The following WNT3A variants were observed in gnomAD, a reference collection of about 807,000 sequenced individuals.
WNT3A encodes the protein protein Wnt-3a.
WNT3A carries 17 observed loss-of-function variants against 37.0 expected under a neutral mutation model. That is an observed-to-expected ratio of 0.46 (90% CI 0.31 to 0.69). The LOEUF (loss-of-function observed/expected upper bound fraction) is 0.69, where lower values mean the gene tolerates loss of function less well. Among genes scored for constraint, WNT3A ranks in the 30% least tolerant of loss-of-function variants. The probability of loss-of-function intolerance (pLI) is 0.05; values close to 1 mark genes in which losing one functional copy is unlikely to be tolerated. For missense variants in WNT3A, 411 were observed against 510.2 expected (o/e 0.81, Z 1.87); for synonymous variants, 187 against 211.0 (o/e 0.89, Z 0.99).
chr1:228,037,462 C>T lies in WNT3A; in HGVS notation c.314-13194C>T, dbSNP rs915702209. On this transcript the variant is annotated intron_variant, in intron 2 of 3. Transcript: ENST00000284523. The surrounding 1 kb of genome is among the most constrained non-coding windows in gnomAD (Gnocchi z 4.1). ...GGCAGGAGACAGCCCAGCCTCCTCT[C>T]CTCCCCGCTGAGCCCCCAGGAGCCC... is the stretch of plus-strand genomic sequence containing the variant. Among the ~76,000 whole-genome samples, 5 of 152,106 alleles carry T rather than the reference C, an allele frequency of 3.3e-5. No homozygotes were observed. The highest frequency in any genetic ancestry group is 7.4e-5 in the Non-Finnish European group (5 of 67,992).
chr1:228,007,951 G>C lies in WNT3A; in HGVS notation c.71+752G>C, dbSNP rs896614272. Among the ~76,000 whole-genome samples, 14 of 152,212 alleles carry C rather than the reference G, an allele frequency of 9.2e-5. No individual in the cohort carries two copies. The highest frequency in any genetic ancestry group is 3.4e-4 in the African/African-American group (14 of 41,458). On this transcript the variant is annotated intron_variant, in intron 1 of 3. Coordinates refer to ENST00000284523, the MANE Select transcript of WNT3A (RefSeq NM_033131.4). This position sits in a 1 kb window ranked among gnomAD's most constrained non-coding sequence, Gnocchi z 6.0. ...GCGCTGTGCTGCGCCCTCCACACCAGAAAAGGCGCGTTCCGTGAGACCCTC... is the reference window on the plus strand; with the variant it reads ...GCGCTGTGCTGCGCCCTCCACACCACAAAAGGCGCGTTCCGTGAGACCCTC...
At chr1:228,044,807 G>A (rs546933157) in intron 2 of WNT3A, among the ~76,000 whole-genome samples, 4 of 152,186 alleles carry the variant, frequency 2.6e-5, no homozygotes, top group Non-Finnish European at 5.9e-5. Context: ...GGCTCTCTTT[G>A]CCAGAACATA....
chr1:228,033,163 G>A (rs1030824895), intron 2 of WNT3A, among the ~76,000 whole-genome samples: 3 of 152,154 alleles, frequency 2.0e-5, no homozygotes, highest in Non-Finnish European at 4.4e-5. Flanking sequence ...TTTGATACAT[G>A]CAAGATTTTA....
intron 1 of WNT3A, among the ~76,000 whole-genome samples, chr1:228,011,412 C>G (rs1187642610): frequency 6.6e-6 from 1 of 152,160 alleles, no homozygotes; most frequent in African/African-American, 2.4e-5. Context: ...ACCCTAGCCC[C>G]TTCTTCCTTC....
rs113394854 is a variant in WNT3A at position 228,031,612 on chromosome 1, G to C, written c.313+8704G>C. On this transcript the variant is annotated intron_variant, in intron 2 of 3. Transcript: ENST00000284523. This position sits in a 1 kb window ranked among gnomAD's most constrained non-coding sequence, Gnocchi z 4.8. ...TGTGCCTGTGCATGTGTGTGCATGT[G>C]TATGTGTCAGGTGTAGTGAATGTGT... Among the ~76,000 whole-genome samples the C allele has an allele frequency of 6.6e-3, 1,005 of 152,160 alleles. 11 individuals are homozygous for C. Among genetic ancestry groups the C allele is most frequent in the African/African-American group, 0.022 (927 of 41,514 alleles).
At chr1:228,045,924 T>G (rs1435090866) in intron 2 of WNT3A, among the ~76,000 whole-genome samples, 2 of 152,036 alleles carry the variant, frequency 1.3e-5, no homozygotes, top group Non-Finnish European at 2.9e-5. Context: ...AGATTGCAAA[T>G]AAAAGGTGAG....
intron 2 of WNT3A, among the ~76,000 whole-genome samples, chr1:228,035,718 G>T (rs1332490218): frequency 2.0e-5 from 3 of 152,174 alleles, no homozygotes; most frequent in Non-Finnish European, 4.4e-5. Context: ...TTGGGTTGGG[G>T]CGGGGAGCCC....
intron 2 of WNT3A, among the ~76,000 whole-genome samples, chr1:228,029,167 G>A (rs931321014): frequency 2.6e-5 from 4 of 152,154 alleles, no homozygotes; most frequent in Admixed American, 6.5e-5. Context: ...AGTGGGTTGC[G>A]GTGACCCTTT....
intron 1 of WNT3A, among the ~76,000 whole-genome samples, chr1:228,013,396 C>T (rs1007092518): frequency 2.0e-5 from 3 of 152,230 alleles, no homozygotes; most frequent in Non-Finnish European, 4.4e-5. Context: ...GTGTCTCTCA[C>T]GTTGCTGCTT....
At chr1:228,025,419 G>A (rs2030828412) in intron 2 of WNT3A, among the ~76,000 whole-genome samples, 1 of 152,146 alleles carries the variant, frequency 6.6e-6, no homozygotes, top group Non-Finnish European at 1.5e-5. Context: ...CATGATCACG[G>A]CTCATTGCAG....
chr1:228,045,287 TA>T (rs951452085), intron 2 of WNT3A, among the ~76,000 whole-genome samples: 1 of 152,116 alleles, frequency 6.6e-6, no homozygotes, highest in African/African-American at 2.4e-5. Flanking sequence ...ACTCTTGTAG[TA>T]GCCAGGCCGT....
In WNT3A at chr1:228,045,516, C is replaced by T. The variant is rs114074479; in HGVS notation, c.314-5140C>T. 8.3e-3 allele frequency among the ~76,000 whole-genome samples: 1,267 copies of T among 152,222 alleles called. 17 individuals carry two copies. Among genetic ancestry groups the T allele is most frequent in the African/African-American group, 0.028 (1,171 of 41,514 alleles). ...GAAGGGGCGCTGACTAGGGAGGGGA[C>T]GACCTGAGTCCTTTAAAGACAAGAA... On this transcript the variant is annotated intron_variant, in intron 2 of 3. Coordinates refer to ENST00000284523, the MANE Select transcript of WNT3A (RefSeq NM_033131.4).
chr1:228,011,634 A>T (rs2030376873), intron 1 of WNT3A, among the ~76,000 whole-genome samples: 1 of 150,144 alleles, frequency 6.7e-6, no homozygotes, highest in Admixed American at 6.6e-5. Context: ...TGTTTCTGTC[A>T]CTCTATCTCT....
Position 228,060,418 on chromosome 1 carries a change from G to T in WNT3A, c.*953G>T, listed in dbSNP as rs372425314. The stretch of plus-strand genomic sequence containing the variant: ...CTGTGCCACCCCTTCCTCAGCCTGG[G>T]GTTTGACCACCCACCTGACCAGGGG... On this transcript the variant is annotated 3_prime_UTR_variant, in exon 4 of 4. Transcript: ENST00000284523. The T allele has an allele frequency of 6.4e-4, 512 of 801,566 alleles. 6 individuals are homozygous for T. The highest frequency in any genetic ancestry group is 5.8e-3 in the South Asian group (376 of 64,568). The allele number at this position is 801,566 out of a possible 1,614,324, so 49.7% of individuals were successfully genotyped here.
intron 2 of WNT3A, among the ~76,000 whole-genome samples, chr1:228,025,923 ATTTTT>A (rs36103582): frequency 7.5e-6 from 1 of 132,882 alleles, no homozygotes. Context: ...AATTTTTTGT[ATTTTT>A]TTTTTTTTTT....
intron 2 of WNT3A, among the ~76,000 whole-genome samples, chr1:228,030,303 C>A (rs532636572): frequency 0.011 from 1,662 of 149,950 alleles, 25 homozygotes; most frequent in African/African-American, 0.039. Context: ...GGCTGAGGCA[C>A]GAGAATCACT....
rs781265731 is a variant in WNT3A, at chr1:228,059,388, C to T, written c.982C>T (p.Arg328Cys). 1.9e-6 allele frequency: 3 copies of T among 1,560,338 alleles called. No homozygotes were observed. The highest frequency in any genetic ancestry group is 1.4e-5 in the African/African-American group (1 of 73,830). The change falls in exon 4 of 4, where the codon CGC becomes TGC. Residue 328 changes from arginine (R) to cysteine (C), a missense_variant. Physicochemically the swap from Arg to Cys is radical, Grantham distance 180. Coordinates refer to ENST00000284523, the MANE Select transcript of WNT3A (RefSeq NM_033131.4). Reference protein sequence around the residue: ...ARAERRREKCRCVFHWCCYVS... With the variant: ...ARAERRREKCCCVFHWCCYVS... ...AGCGGAGCGGCGCCGGGAGAAGTGC[C>T]GCTGCGTGTTCCACTGGTGCTGCTA... is the stretch of plus-strand genomic sequence containing the variant.
chr1:228,043,610 C>T (rs951561737), intron 2 of WNT3A, among the ~76,000 whole-genome samples: 2 of 152,194 alleles, frequency 1.3e-5, no homozygotes, highest in Non-Finnish European at 1.5e-5. Context: ...ACTTGGTTTC[C>T]GTGGAGGCTG....
intron 1 of WNT3A, among the ~76,000 whole-genome samples, chr1:228,010,485 G>A (rs1186467276): frequency 6.6e-6 from 1 of 152,172 alleles, no homozygotes; most frequent in Non-Finnish European, 1.5e-5. Flanking sequence ...GCCCTCCCCT[G>A]GGACCCACAC....
Sources: gnomAD v4.1 joint callset for allele counts (sites outside exome capture counted in the v4.1 genomes callset) on GRCh38, gnomAD v4.1.1 for gene constraint, Gnocchi (gnomAD v3.1) non-coding constraint, MANE v1.5 for transcripts, NCBI Gene and HGNC (gene_info 2026-07-23, HGNC 2026-07-21) for gene names.